Variants in HTD2 observed in about 807,000 individuals in gnomAD.
HTD2 encodes the protein hydroxyacyl-thioester dehydratase type 2, mitochondrial.
A neutral mutation model predicts 3.1 loss-of-function variants in HTD2; 1 was observed. The observed-to-expected ratio is 0.32, with a 90% CI of 0.11 to 1.52. The LOEUF (loss-of-function observed/expected upper bound fraction) is 1.52. HTD2 is among the 40% of genes most tolerant of loss of function. The pLI, the probability that HTD2 is intolerant of heterozygous loss-of-function variation, is 0.39. For missense variants in HTD2, 150 were observed against 79.6 expected (o/e 1.88, Z -3.36); for synonymous variants, 50 against 28.9 (o/e 1.73, Z -2.34).
At chr3:58,309,435 T>C (rs2097479654) in intron 1 of HTD2, among the ~76,000 whole-genome samples, 1 of 152,238 alleles carries the variant, frequency 6.6e-6, no homozygotes, top group Non-Finnish European at 1.5e-5. Context: ...AGCAAAGAGC[T>C]GGGTGCTCAT....
At chr3:58,308,814 T>C (rs2097478642) in intron 1 of HTD2, among the ~76,000 whole-genome samples, 1 of 152,136 alleles carries the variant, frequency 6.6e-6, no homozygotes. Context: ...TTGCATAACA[T>C]GGGGGCTTAA....
At position 58,317,344 on chromosome 3, in the gene HTD2, G is replaced by A; in HGVS notation, c.-174-96G>A. 3.7e-6 allele frequency: 3 copies of A among 802,098 alleles called. No homozygotes were observed. In the South Asian group the frequency reaches 5.1e-5, roughly 14 times the overall value. The allele number at this position is 802,098 out of a possible 1,614,324, so 49.7% of individuals were successfully genotyped here. A position where few individuals can be genotyped will look rare whatever the true frequency, so the allele number is the denominator to read the frequency against. On this transcript the variant is annotated intron_variant, in intron 4 of 4. Transcript: ENST00000461393. Reference sequence around the variant, plus strand: ...TGCTCTGTAAAATGCTCCTGCATCAGCTTTGTTTATCCTGTAAAACTGGGC... The same window carrying A: ...TGCTCTGTAAAATGCTCCTGCATCAACTTTGTTTATCCTGTAAAACTGGGC...
intron 2 of HTD2, among the ~76,000 whole-genome samples, chr3:58,311,895 T>TG (rs1218781213): frequency 1.3e-5 from 2 of 152,162 alleles, no homozygotes; most frequent in Non-Finnish European, 2.9e-5. Context: ...GTTTTTGAGA[T>TG]GAAGTCTTGC....
intron 2 of HTD2, among the ~76,000 whole-genome samples, chr3:58,315,023 G>C (rs894376678): frequency 3.3e-5 from 5 of 152,206 alleles, no homozygotes; most frequent in South Asian, 2.1e-4. Flanking sequence ...ATCTGCCATA[G>C]AACCCAGCAT....
chr3:58,310,195 A>G, intron 1 of HTD2: 6 of 726,740 alleles, frequency 8.3e-6, no homozygotes, highest in Non-Finnish European at 1.4e-5. Context: ...TGACAGGGTG[A>G]GACCCTGCCT....
At chr3:58,309,410 G>C (rs2097479614) in intron 1 of HTD2, among the ~76,000 whole-genome samples, 1 of 152,162 alleles carries the variant, frequency 6.6e-6, no homozygotes, top group South Asian at 2.1e-4. Flanking sequence ...ACAAGCTAAG[G>C]CATGTGAAAT....
chr3:58,315,295 C>T (rs948749671), intron 2 of HTD2, among the ~76,000 whole-genome samples: 28 of 151,400 alleles, frequency 1.8e-4, no homozygotes, highest in African/African-American at 6.8e-4. Context: ...CAAAACATGA[C>T]ATACTGGGTG....
chr3:58,314,072 G>A (rs1268951982), intron 2 of HTD2, among the ~76,000 whole-genome samples: 1 of 152,066 alleles, frequency 6.6e-6, no homozygotes, highest in African/African-American at 2.4e-5. Flanking sequence ...AATAACACAT[G>A]GGGCGTGGTG....
At chr3:58,317,356 C>T (rs527747762) in intron 4 of HTD2, 84 bp from the exon 5 acceptor site, 4 of 886,330 alleles carry the variant, frequency 4.5e-6, no homozygotes, top group Non-Finnish European at 7.2e-6. Context: ...TTTGTTTATC[C>T]TGTAAAACTG....
At chr3:58,312,758 T>G (rs903055163) in intron 2 of HTD2, among the ~76,000 whole-genome samples, 1 of 151,926 alleles carries the variant, frequency 6.6e-6, no homozygotes, top group Non-Finnish European at 1.5e-5. Context: ...GTCAGGAGTT[T>G]GAGACTAGCC....
intron 1 of HTD2, among the ~76,000 whole-genome samples, chr3:58,309,157 C>T (rs1001773346): frequency 6.6e-6 from 1 of 152,176 alleles, no homozygotes; most frequent in Non-Finnish European, 1.5e-5. Context: ...CCTCATTCTT[C>T]TCTTTGTGTT....
chr3:58,315,891 G>A (rs2097487772), intron 2 of HTD2: 1 of 152,270 alleles, frequency 6.6e-6, no homozygotes, highest in Non-Finnish European at 1.5e-5. Flanking sequence ...GATCAGGCTG[G>A]TCTCAAACTC....
rs1460076285 is a variant in HTD2, at chr3:58,311,580, A to T, written c.-331+989A>T. ...ATGATGCTGCAAATGACAGAATTTCATTCTTTTTTATGGCTGAATAATATT... is the reference window on the plus strand; with the variant it reads ...ATGATGCTGCAAATGACAGAATTTCTTTCTTTTTTATGGCTGAATAATATT... On this transcript the variant is annotated intron_variant, in intron 2 of 4. Coordinates refer to ENST00000461393, the MANE Select transcript of HTD2 (RefSeq NM_001348712.2). Among the ~76,000 whole-genome samples the T allele has an allele frequency of 2.6e-5, 4 of 151,374 alleles. No homozygotes were observed. In the South Asian group the frequency reaches 8.3e-4, roughly 31 times the overall value.
intron 1 of HTD2, among the ~76,000 whole-genome samples, chr3:58,309,154 C>G (rs1483057138): frequency 6.6e-6 from 1 of 152,208 alleles, no homozygotes; most frequent in Non-Finnish European, 1.5e-5. Context: ...ATCCCTCATT[C>G]TTCTCTTTGT....
At position 58,306,637 on chromosome 3, in the gene HTD2, T is replaced by C. The variant is rs111892106; in HGVS notation, c.-430T>C. The C allele has an allele frequency of 1.3e-5, 2 of 152,174 alleles. No individual in the cohort carries two copies. The highest frequency in any genetic ancestry group is 2.9e-5 in the Non-Finnish European group (2 of 68,064). The allele number at this position is 152,174 out of a possible 1,614,324, so 9.4% of individuals were successfully genotyped here. On this transcript the variant is annotated 5_prime_UTR_variant, in exon 1 of 5. An upstream start codon of the reference 5' UTR is lost. Transcript: ENST00000461393. ...GGGACCGTGTCCTGAGCGCTCTCCA[T>C]GCGCCCGGCGCGAGGTGAGCGCTAA...
chr3:58,317,641 C>G lies in HTD2; in HGVS notation c.28C>G (p.Leu10Val), dbSNP rs1258500088. 1 of 728,142 alleles carries G rather than the reference C, an allele frequency of 1.4e-6. No homozygotes were observed. Among genetic ancestry groups the G allele is most frequent in the Admixed American group, 2.0e-5 (1 of 49,900 alleles). The allele number at this position is 728,142 out of a possible 1,614,324, so 45.1% of individuals were successfully genotyped here. MFPLISSHH[L>V]WWGGLRRTVC... is the part of the protein sequence containing the mutation. Reference sequence around the variant, plus strand: ...GTTCCCACTAATTTCCAGCCATCACCTTTGGTGGGGTGGGCTTCGGAGGAC... The same window carrying G: ...GTTCCCACTAATTTCCAGCCATCACGTTTGGTGGGGTGGGCTTCGGAGGAC... Residue 10 changes from leucine (L) to valine (V), a missense_variant, in exon 5 of 5, where the codon CTT (leucine) becomes GTT (valine). Physicochemically the swap from Leu to Val is conservative, Grantham distance 32. Coordinates refer to ENST00000461393, the MANE Select transcript of HTD2 (RefSeq NM_001348712.2).
At chr3:58,309,436 G>A (rs1236028853) in intron 1 of HTD2, among the ~76,000 whole-genome samples, 1 of 152,180 alleles carries the variant, frequency 6.6e-6, no homozygotes, top group African/African-American at 2.4e-5. Context: ...GCAAAGAGCT[G>A]GGTGCTCATA....
chr3:58,317,682 G>A lies in HTD2; in HGVS notation c.69G>A (p.Leu23=), dbSNP rs987762591. 1.4e-6 allele frequency: 1 copy of A among 705,420 alleles called. No homozygotes were observed. The highest frequency in any genetic ancestry group is 2.0e-5 in the Admixed American group (1 of 50,030). 43.7% of individuals were successfully genotyped at this position (705,420 alleles called of 1,614,324 possible). The change falls in exon 5 of 5, where the codon CTG becomes CTA. Residue 23 remains leucine, a synonymous_variant. Coordinates refer to ENST00000461393, the MANE Select transcript of HTD2 (RefSeq NM_001348712.2). ...TTCGGAGGACAGTCTGTCTGAACCT[G>A]CCAGTGCTGACCCTGCAGCACTTTC... ...GGLRRTVCLN[L]PVLTLQHFQH...
intron 1 of HTD2, among the ~76,000 whole-genome samples, chr3:58,309,521 G>A (rs2097479777): frequency 6.6e-6 from 1 of 152,220 alleles, no homozygotes; most frequent in African/African-American, 2.4e-5. Context: ...ATAGAATATA[G>A]AAACTTATTT....
Sources: gnomAD v4.1 joint callset for allele counts (sites outside exome capture counted in the v4.1 genomes callset) on GRCh38, gnomAD v4.1.1 for gene constraint, MANE v1.5 for transcripts, NCBI Gene and HGNC (gene_info 2026-07-23, HGNC 2026-07-21) for gene names.